Variants in PPP1R14C observed in about 807,000 individuals in gnomAD.
PPP1R14C encodes protein phosphatase 1 regulatory subunit 14C.
In PPP1R14C, 16 loss-of-function variants were observed where a neutral mutation model predicts 20.4. The observed-to-expected ratio is 0.78, with a 90% CI of 0.53 to 1.19. PPP1R14C has a LOEUF of 1.19. Among genes scored for constraint, PPP1R14C ranks in the 50% most tolerant of loss-of-function variants. PPP1R14C has a pLI of 0.00. For missense variants in PPP1R14C, 211 were observed against 220.1 expected (o/e 0.96, Z 0.26); for synonymous variants, 91 against 91.0 (o/e 1.00, Z 0.00).
chr6:150,194,631 G>T (rs1167146677), intron 1 of PPP1R14C: 19 of 984,634 alleles, frequency 1.9e-5, no homozygotes, highest in South Asian at 4.7e-5. Flanking sequence ...AACCACCTTG[G>T]CTTCTGACTA....
At chr6:150,246,066 T>C (rs1270686718) in intron 3 of PPP1R14C, among the ~76,000 whole-genome samples, 1 of 152,180 alleles carries the variant, frequency 6.6e-6, no homozygotes, top group East Asian at 1.9e-4. Context: ...ATCTCTGAAA[T>C]TTATGTACAT....
At chr6:150,220,402 T>C (rs534697055) in intron 3 of PPP1R14C, among the ~76,000 whole-genome samples, 46 of 152,340 alleles carry the variant, frequency 3.0e-4, no homozygotes, top group African/African-American at 9.9e-4. Context: ...TTTAGCTGTT[T>C]GGGGACTAAA....
intron 1 of PPP1R14C, among the ~76,000 whole-genome samples, chr6:150,209,419 T>A (rs1210651965): frequency 7.3e-6 from 1 of 136,570 alleles, no homozygotes; most frequent in Non-Finnish European, 1.7e-5. Flanking sequence ...TGTGTATATA[T>A]CTGTGTGTTT....
chr6:150,206,541 A>T (rs1777953305), intron 1 of PPP1R14C, among the ~76,000 whole-genome samples: 1 of 152,172 alleles, frequency 6.6e-6, no homozygotes, highest in South Asian at 2.1e-4. Context: ...TTTGTTTTAC[A>T]GTGTTGATTT....
intron 3 of PPP1R14C, among the ~76,000 whole-genome samples, chr6:150,235,571 G>C (rs1778350295): frequency 1.3e-5 from 2 of 152,238 alleles, no homozygotes; most frequent in South Asian, 4.1e-4. Context: ...AAGGGACCTG[G>C]CTGGGGGCAC....
chr6:150,154,625 AG>A (rs1442120598), intron 1 of PPP1R14C, among the ~76,000 whole-genome samples: 1 of 152,196 alleles, frequency 6.6e-6, no homozygotes, highest in Non-Finnish European at 1.5e-5. Context: ...TTCCCCTTCA[AG>A]GCAAACCTGA....
At chr6:150,195,353 A>C (rs554218654) in intron 1 of PPP1R14C, 5 of 186,430 alleles carry the variant, frequency 2.7e-5, no homozygotes, top group Non-Finnish European at 4.0e-5. Context: ...ATCTGGATTG[A>C]CATGTTTTGT....
intron 1 of PPP1R14C, among the ~76,000 whole-genome samples, chr6:150,213,757 A>G (rs986885755): frequency 2.4e-4 from 36 of 152,226 alleles, no homozygotes; most frequent in Non-Finnish European, 2.8e-4. Context: ...TCAGATTCCA[A>G]ATCAGTGGGG....
intron 1 of PPP1R14C, among the ~76,000 whole-genome samples, chr6:150,164,371 C>A (rs1777402573): frequency 6.6e-6 from 1 of 152,150 alleles, no homozygotes; most frequent in African/African-American, 2.4e-5. Flanking sequence ...CACAGAAGTT[C>A]TTAATCTTAA....
At position 150,212,183 on chromosome 6, in the gene PPP1R14C, C is replaced by T. The variant is rs72563914; in HGVS notation, c.307-2561C>T. On this transcript the variant is annotated intron_variant, in intron 1 of 3. Coordinates refer to ENST00000361131, the MANE Select transcript of PPP1R14C (RefSeq NM_030949.3). ...TCCAATAGAGCTTTCTGCTACAATG[C>T]AAGTGCTCTCCATCTGTGCTTTCCA... 2.2e-3 allele frequency among the ~76,000 whole-genome samples: 337 copies of T among 152,368 alleles called. 12 individuals carry two copies. In the East Asian group the frequency reaches 0.052, roughly 24 times the overall value.
chr6:150,237,311 C>G (rs1778374082), intron 3 of PPP1R14C, among the ~76,000 whole-genome samples: 1 of 152,168 alleles, frequency 6.6e-6, no homozygotes, highest in South Asian at 2.1e-4. Flanking sequence ...TCAAGTGATT[C>G]TCCTGCTTCA....
Position 150,209,667 on chromosome 6 carries a change from T to C in PPP1R14C, c.307-5077T>C, listed in dbSNP as rs887087817. Among the ~76,000 whole-genome samples, 82 of 150,916 alleles carry C rather than the reference T, an allele frequency of 5.4e-4. 1 individual carries two copies. Among genetic ancestry groups the C allele is most frequent in the African/African-American group, 1.9e-3 (78 of 41,064 alleles). On this transcript the variant is annotated intron_variant, in intron 1 of 3. Coordinates refer to ENST00000361131, the MANE Select transcript of PPP1R14C (RefSeq NM_030949.3). ...GTATTCATCCATGTGTGTATTCACATGGAGTGTATGTTTGTGTATGTATTT... is the reference window on the plus strand; with the variant it reads ...GTATTCATCCATGTGTGTATTCACACGGAGTGTATGTTTGTGTATGTATTT...
intron 1 of PPP1R14C, among the ~76,000 whole-genome samples, chr6:150,156,738 C>T (rs181635593): frequency 9.1e-4 from 139 of 152,322 alleles, no homozygotes; most frequent in Non-Finnish European, 1.6e-3. Context: ...ATAATGAAAG[C>T]ACCCTAGAAA....
chr6:150,204,271 C>T (rs1370881803), intron 1 of PPP1R14C, among the ~76,000 whole-genome samples: 6 of 152,212 alleles, frequency 3.9e-5, no homozygotes, highest in South Asian at 2.1e-4. Context: ...CCGACTTTCT[C>T]GTCACGGGGG....
intron 3 of PPP1R14C, among the ~76,000 whole-genome samples, chr6:150,218,158 C>T (rs1277059006): frequency 6.6e-6 from 1 of 152,048 alleles, no homozygotes; most frequent in Non-Finnish European, 1.5e-5. Flanking sequence ...GATCACAGCA[C>T]TTTGGGGGGC....
chr6:150,187,396 C>T (rs576230433), intron 1 of PPP1R14C, among the ~76,000 whole-genome samples: 1 of 152,054 alleles, frequency 6.6e-6, no homozygotes, highest in African/African-American at 2.4e-5. Flanking sequence ...TATTTTGTCA[C>T]CCAGGTATTA....
At chr6:150,204,281 G>T (rs1357394891) in intron 1 of PPP1R14C, among the ~76,000 whole-genome samples, 1 of 152,220 alleles carries the variant, frequency 6.6e-6, no homozygotes, top group Non-Finnish European at 1.5e-5. Flanking sequence ...CGTCACGGGG[G>T]CATTGTTAAC....
At chr6:150,223,890 A>G (rs1778198576) in intron 3 of PPP1R14C, among the ~76,000 whole-genome samples, 1 of 152,170 alleles carries the variant, frequency 6.6e-6, no homozygotes, top group Non-Finnish European at 1.5e-5. Flanking sequence ...TTCACGGATC[A>G]TGCCTTTTGT....
intron 1 of PPP1R14C, among the ~76,000 whole-genome samples, chr6:150,161,479 G>T (rs985566708): frequency 1.3e-5 from 2 of 152,146 alleles, no homozygotes; most frequent in African/African-American, 4.8e-5. Context: ...CTAAACATCA[G>T]CTCATTTGAT....
Sources: allele counts gnomAD v4.1 joint callset (sites outside exome capture counted in the v4.1 genomes callset), GRCh38; gene constraint gnomAD v4.1.1; transcripts MANE v1.5; gene names NCBI Gene and HGNC (gene_info 2026-07-23, HGNC 2026-07-21).